HMGB1: variants seen among roughly 807,000 people sequenced by gnomAD.
HMGB1 encodes the protein high mobility group box 1.
For missense variants in HMGB1, 79 were observed against 253.5 expected, an observed-to-expected ratio of 0.31 and a Z score of 4.67; for synonymous variants, 81 against 84.0, an observed-to-expected ratio of 0.96 and a Z score of 0.19.
intron 1 of HMGB1, chr13:30,554,358 A>G (rs1869578374): frequency 2.3e-6 from 2 of 854,488 alleles, no homozygotes; most frequent in African/African-American, 1.7e-5. Context: ...TCTCTGGTAG[A>G]CGCTTGTCTT....
At chr13:30,495,363 T>C (rs1356423688) in intron 1 of HMGB1, among the ~76,000 whole-genome samples, 1 of 152,206 alleles carries the variant, frequency 6.6e-6, no homozygotes, top group East Asian at 1.9e-4. Context: ...ACAACTCTAA[T>C]TCGTAGAAAT....
intron 1 of HMGB1, among the ~76,000 whole-genome samples, chr13:30,527,216 GGAA>G (rs1888389464): frequency 6.6e-6 from 1 of 152,228 alleles, no homozygotes; most frequent in South Asian, 2.1e-4. Flanking sequence ...GACCTGCCTG[GGAA>G]GGCAGTTGCT....
chr13:30,526,245 T>C (rs1888364184), intron 1 of HMGB1, among the ~76,000 whole-genome samples: 1 of 151,582 alleles, frequency 6.6e-6, no homozygotes, highest in South Asian at 2.1e-4. Context: ...TTAGTAGAGA[T>C]GGGGTTTCAC....
chr13:30,590,234 G>A (rs1311334187), intron 1 of HMGB1, among the ~76,000 whole-genome samples: 3 of 151,922 alleles, frequency 2.0e-5, no homozygotes, highest in Non-Finnish European at 2.9e-5. Flanking sequence ...ATATAGCTAC[G>A]ACAACCGAGA....
chr13:30,547,747 T>C (rs1869228559), intron 1 of HMGB1, among the ~76,000 whole-genome samples: 1 of 151,974 alleles, frequency 6.6e-6, no homozygotes, highest in Non-Finnish European at 1.5e-5. Context: ...TGAAACCCCG[T>C]CTCTACTAAA....
At chr13:30,609,846 G>A (rs530799141) in intron 1 of HMGB1, among the ~76,000 whole-genome samples, 57 of 152,206 alleles carry the variant, frequency 3.7e-4, no homozygotes, top group South Asian at 2.9e-3. Flanking sequence ...ACCATTTTTG[G>A]TTTCCCATTC....
chr13:30,464,451 G>A (rs1201621287), intron 1 of HMGB1: 4 of 985,166 alleles, frequency 4.1e-6, no homozygotes, highest in African/African-American at 1.7e-5. Context: ...TGAAAGTTGG[G>A]GTGACTCCTG....
At chr13:30,509,338 A>G (rs1415004931) in intron 1 of HMGB1, among the ~76,000 whole-genome samples, 3 of 151,726 alleles carry the variant, frequency 2.0e-5, no homozygotes, top group South Asian at 2.1e-4. Context: ...TCCTGGGTTC[A>G]TATGATTATC....
chr13:30,548,558 G>A (rs1216858491), intron 1 of HMGB1, among the ~76,000 whole-genome samples: 1 of 152,200 alleles, frequency 6.6e-6, no homozygotes, highest in Non-Finnish European at 1.5e-5. Context: ...AGATCTGTGT[G>A]CCTCTTTCCA....
At chr13:30,576,898 C>T (rs926500330) in intron 1 of HMGB1, among the ~76,000 whole-genome samples, 3 of 152,104 alleles carry the variant, frequency 2.0e-5, no homozygotes, top group East Asian at 1.9e-4. Flanking sequence ...CCAGAATTGT[C>T]GCTGTCATGG....
chr13:30,614,162 G>A (rs1208796871), intron 1 of HMGB1, among the ~76,000 whole-genome samples: 2 of 152,172 alleles, frequency 1.3e-5, no homozygotes, highest in Non-Finnish European at 2.9e-5. Context: ...CCAGAAACTG[G>A]TAGCACTGGT....
intron 1 of HMGB1, chr13:30,553,908 C>G (rs756764281): frequency 1.4e-6 from 2 of 1,394,292 alleles, no homozygotes; most frequent in Non-Finnish European, 2.0e-6. Flanking sequence ...AGAAGAGGCA[C>G]GAAGGAGTTA....
In HMGB1 at chr13:30,476,262, C is replaced by T. The variant is rs1593265484; in HGVS notation, c.-14-12568G>A. ...GCCTCTCAGGCTCAAGCTCAGCCTC[C>T]CGAGTAGTGGGATTACAGGCGCAAG... On this transcript the variant is annotated intron_variant, in intron 1 of 4. Transcript: ENST00000405805. Among the ~76,000 whole-genome samples, 3 of 151,942 alleles carry T rather than the reference C, an allele frequency of 2.0e-5. No individual in the cohort carries two copies. The South Asian group carries it at 6.2e-4, about 32-fold the overall frequency.
intron 1 of HMGB1, among the ~76,000 whole-genome samples, chr13:30,599,008 C>T (rs1871742132): frequency 6.6e-6 from 1 of 151,946 alleles, no homozygotes; most frequent in Non-Finnish European, 1.5e-5. Context: ...AATGGGGTCT[C>T]ACTATGTTGC....
At chr13:30,567,626 A>C (rs1870245702) in intron 1 of HMGB1, among the ~76,000 whole-genome samples, 2 of 152,196 alleles carry the variant, frequency 1.3e-5, no homozygotes, top group Admixed American at 1.3e-4. Context: ...CTGGGATTGC[A>C]GGCATGAACC....
rs538131296 is a variant in HMGB1, at chr13:30,604,274, AT to A, written c.-15+12396del. Among the ~76,000 whole-genome samples the A allele has an allele frequency of 7.5e-3, 1,146 of 152,284 alleles. 4 individuals are homozygous for A. The highest frequency in any genetic ancestry group is 9.5e-3 in the Non-Finnish European group (646 of 68,018). On this transcript the variant is annotated intron_variant, in intron 1 of 4. Coordinates refer to the HMGB1 transcript ENST00000405805. Reference sequence around the variant, plus strand: ...TGAAGAAAAGACAAGACATGATCTGATTCATGTTTTGATCTGATACACTGGT... The same window carrying A: ...TGAAGAAAAGACAAGACATGATCTGATCATGTTTTGATCTGATACACTGGT...
At chr13:30,520,912 C>T (rs961187502) in intron 1 of HMGB1, among the ~76,000 whole-genome samples, 1 of 152,180 alleles carries the variant, frequency 6.6e-6, no homozygotes, top group African/African-American at 2.4e-5. Flanking sequence ...TTCCCATAAA[C>T]ATTTGGTTCC....
chr13:30,495,725 G>A lies in HMGB1; in HGVS notation c.-14-32031C>T, dbSNP rs556397958. Among the ~76,000 whole-genome samples the A allele has an allele frequency of 1.6e-4, 24 of 152,282 alleles. 1 individual carries two copies. Among genetic ancestry groups the A allele is most frequent in the African/African-American group, 5.1e-4 (21 of 41,572 alleles). On this transcript the variant is annotated intron_variant, in intron 1 of 4. Coordinates refer to the HMGB1 transcript ENST00000405805. The stretch of plus-strand genomic sequence containing the variant: ...GATCTCCTGACCCTGTGATCCGCCC[G>A]CGTTGGCCTCCCAAAGTGCTGGGAT...
intron 1 of HMGB1, among the ~76,000 whole-genome samples, chr13:30,489,235 C>G (rs912824299): frequency 5.3e-5 from 8 of 152,100 alleles, no homozygotes; most frequent in Non-Finnish European, 1.0e-4. Flanking sequence ...GTAGTACGTG[C>G]CTGTAGTCCC....
Sources: allele counts gnomAD v4.1 joint callset (sites outside exome capture counted in the v4.1 genomes callset), GRCh38; gene constraint gnomAD v4.1.1; transcripts MANE v1.5; gene names NCBI Gene and HGNC (gene_info 2026-07-23, HGNC 2026-07-21).